OPA3: variants seen among roughly 807,000 people sequenced by gnomAD.
OPA3 encodes outer mitochondrial membrane lipid metabolism regulator OPA3, also known as optic atrophy 3 protein.
In OPA3, 6 loss-of-function variants were observed where a neutral mutation model predicts 4.0. The ratio of observed to expected loss-of-function variants is 1.51; its 90% CI spans 0.83 to 2.99. The LOEUF (loss-of-function observed/expected upper bound fraction) is 2.99, where lower values mean the gene tolerates loss of function less well. OPA3 is among the 30% of genes most tolerant of loss of function. The pLI is 0.00. For missense variants in OPA3, 235 were observed against 256.2 expected (o/e 0.92, Z 0.56); for synonymous variants, 105 against 117.1 (o/e 0.90, Z 0.67).
At chr19:45,559,344 TTTC>T (rs1396537917) in intron 1 of OPA3, among the ~76,000 whole-genome samples, 2 of 151,634 alleles carry the variant, frequency 1.3e-5, no homozygotes, top group South Asian at 2.1e-4. Context: ...TCTTTCTTTC[TTTC>T]TTTTCTTTTC....
chr19:45,529,113 G>A lies in OPA3; in HGVS notation c.486C>T (p.His162=), dbSNP rs201078416. Residue 162 remains histidine (H), a synonymous_variant, in exon 2 of 2, where the codon CAC becomes CAT. Coordinates refer to the OPA3 transcript ENST00000323060. ...CAGGCGGCGGGTCTCGGAGGCAGAG[G>A]TGGGCTCGCACCTCCTGCAGCTGAG... The A allele has an allele frequency of 1.2e-4, 188 of 1,605,000 alleles. No individual in the cohort carries two copies. The East Asian group carries it at 4.0e-3, about 34-fold the overall frequency.
downstream of OPA3, among the ~76,000 whole-genome samples, chr19:45,545,565 C>T (rs1385652472): frequency 6.6e-6 from 1 of 151,452 alleles, no homozygotes; most frequent in Non-Finnish European, 1.5e-5. Context: ...ACAACAACAA[C>T]AACCAGAGGC....
Position 45,529,457 on chromosome 19 carries a change from C to T in OPA3, c.143-1G>A, listed in dbSNP as rs1333432889. 1.2e-6 allele frequency: 2 copies of T among 1,613,340 alleles called. No individual in the cohort carries two copies. Among genetic ancestry groups the T allele is most frequent in the African/African-American group, 2.7e-5 (2 of 74,696 alleles). ...GTCCGCATCTCCAGCCAGTGGTACA[C>T]TGCAGGAAAAGACAGGAGTCAGGGG... On this transcript the variant is annotated splice_acceptor_variant, in intron 1 of 1. Transcript: ENST00000323060. LOFTEE classifies it high-confidence loss of function.
At position 45,550,111 on chromosome 19, in the gene OPA3, T is replaced by C. The variant is rs1467584760; in HGVS notation, c.*3403A>G. 25 of 720,868 alleles carry C rather than the reference T, an allele frequency of 3.5e-5. No homozygotes were observed. The East Asian group carries it at 4.0e-4, about 11-fold the overall frequency. The allele number at this position is 720,868 out of a possible 1,614,324, so 44.7% of individuals were successfully genotyped here. Reference sequence around the variant, plus strand: ...AGGTAGAAGTTGCAGTGAGCCGAGATTGCACCACTGCACTCCGTCAGGGTG... The same window carrying C: ...AGGTAGAAGTTGCAGTGAGCCGAGACTGCACCACTGCACTCCGTCAGGGTG... On this transcript the variant is annotated 3_prime_UTR_variant, in exon 2 of 2. Coordinates refer to ENST00000263275, the MANE Select transcript of OPA3 (RefSeq NM_025136.4).
chr19:45,580,087 C>T (rs1200536879), intron 1 of OPA3, among the ~76,000 whole-genome samples: 1 of 151,154 alleles, frequency 6.6e-6, no homozygotes, highest in Non-Finnish European at 1.5e-5. Context: ...ACCTCCGCCT[C>T]CCATGTTCAA....
chr19:45,566,006 T>C (rs528506504), intron 1 of OPA3, among the ~76,000 whole-genome samples: 3 of 152,246 alleles, frequency 2.0e-5, no homozygotes, highest in Non-Finnish European at 2.9e-5. Flanking sequence ...AATAAAATTA[T>C]AGAATATGTC....
At chr19:45,571,298 CATGCCCAGCTA>C (rs1166295075) in intron 1 of OPA3, among the ~76,000 whole-genome samples, 1 of 142,044 alleles carries the variant, frequency 7.0e-6, no homozygotes, top group Admixed American at 7.3e-5. Flanking sequence ...CATGCGCCAC[CATGCCCAGCTA>C]ATTTTTTGTA....
rs149252540 is a variant in OPA3, at chr19:45,529,477, CAG to C, written c.143-23_143-22del. ...GTACACTGCAGGAAAAGACAGGAGT[CAG>C]GGGTCTTTTGCAGGGCAGCCTCCTA... On this transcript the variant is annotated intron_variant, in intron 1 of 1. Transcript: ENST00000323060. 231,248 of 1,613,438 alleles carry C rather than the reference CAG, an allele frequency of 0.14. 17,661 individuals carry two copies. Among genetic ancestry groups the C allele is most frequent in the South Asian group, 0.24 (22,224 of 91,054 alleles).
In OPA3 at chr19:45,552,992, CCTT is replaced by C; in HGVS notation, c.*519_*521del. 2.0e-6 allele frequency: 2 copies of C among 1,000,106 alleles called. No homozygotes were observed. The highest frequency in any genetic ancestry group is 5.1e-4 in the Middle Eastern group (1 of 1,948). 62.0% of individuals were successfully genotyped at this position (1,000,106 alleles called of 1,614,324 possible). A position where few individuals can be genotyped will look rare whatever the true frequency, so the allele number is the denominator to read the frequency against. On this transcript the variant is annotated 3_prime_UTR_variant, in exon 2 of 2. Transcript: ENST00000263275. ...CTCCCAGCCGCACCGTTTTTTTCCTCCTTAAGAGAGCACTGATGCTCAGCTAGA... is the reference window on the plus strand; with the variant it reads ...CTCCCAGCCGCACCGTTTTTTTCCTCAAGAGAGCACTGATGCTCAGCTAGA...
At chr19:45,582,652 G>C (rs1290314577) in intron 1 of OPA3, among the ~76,000 whole-genome samples, 1 of 152,020 alleles carries the variant, frequency 6.6e-6, no homozygotes, top group East Asian at 1.9e-4. Context: ...CTGTCTTCTT[G>C]CGCTCAGTCA....
chr19:45,550,897 G>C lies in OPA3; in HGVS notation c.*2617C>G, dbSNP rs1169091127. 2.0e-6 allele frequency: 2 copies of C among 985,900 alleles called. No homozygotes were observed. The highest frequency in any genetic ancestry group is 2.4e-6 in the Non-Finnish European group (2 of 830,034). 61.1% of individuals were successfully genotyped at this position (985,900 alleles called of 1,614,324 possible). On this transcript the variant is annotated 3_prime_UTR_variant, in exon 2 of 2. Transcript: ENST00000263275. ...GAAGAGAAACCCAGTAGAAAAGGGT[G>C]GTTCCTAGACTGTTCCTCTCAGCTA... is the stretch of plus-strand genomic sequence containing the variant.
intron 1 of OPA3, among the ~76,000 whole-genome samples, chr19:45,582,835 T>G (rs1466235095): frequency 1.3e-5 from 2 of 152,172 alleles, no homozygotes; most frequent in Admixed American, 6.5e-5. Context: ...AAACCATAAT[T>G]TCTAATCTTG....
intron 1 of OPA3, chr19:45,529,528 G>T: frequency 1.9e-6 from 3 of 1,567,114 alleles, no homozygotes; most frequent in Non-Finnish European, 2.6e-6. Context: ...TCTGTGCTTC[G>T]ATGTCCCCGT....
intron 1 of OPA3, among the ~76,000 whole-genome samples, chr19:45,574,316 G>C (rs1287410019): frequency 6.8e-6 from 1 of 146,856 alleles, no homozygotes; most frequent in African/African-American, 2.5e-5. Flanking sequence ...AGAATGGCGT[G>C]AACCCGGGAG....
In OPA3 at chr19:45,546,453, G is replaced by T; in HGVS notation, c.*7061C>A. ...ATACACTTTTAAAATACATAGAATT[G>T]TAAATTATTGTATAAATATGCACAC... On this transcript the variant is annotated 3_prime_UTR_variant, in exon 2 of 2. Transcript: ENST00000263275. 3 of 580,320 alleles carry T rather than the reference G, an allele frequency of 5.2e-6. No individual in the cohort carries two copies. Among genetic ancestry groups the T allele is most frequent in the African/African-American group, 2.0e-5 (1 of 49,166 alleles). The allele number at this position is 580,320 out of a possible 1,614,324, so 35.9% of individuals were successfully genotyped here. A position where few individuals can be genotyped will look rare whatever the true frequency, so the allele number is the denominator to read the frequency against.
intron 1 of OPA3, among the ~76,000 whole-genome samples, chr19:45,580,186 G>A (rs1425516238): frequency 6.6e-6 from 1 of 150,732 alleles, no homozygotes; most frequent in Non-Finnish European, 1.5e-5. Flanking sequence ...TAGTAGAGAA[G>A]GGGTTTCACC....
downstream of OPA3, among the ~76,000 whole-genome samples, chr19:45,545,716 T>C (rs534552266): frequency 1.0e-3 from 148 of 146,598 alleles, 1 homozygote; most frequent in African/African-American, 3.5e-3. Context: ...TTTTCTTTTT[T>C]TTTTTTTTTT....
At chr19:45,582,673 T>TG (rs1219287880) in intron 1 of OPA3, among the ~76,000 whole-genome samples, 1 of 150,874 alleles carries the variant, frequency 6.6e-6, no homozygotes, top group African/African-American at 2.4e-5. Flanking sequence ...GTTCCTGGGT[T>TG]GGGGGGCCAC....
intron 1 of OPA3, among the ~76,000 whole-genome samples, chr19:45,557,995 T>G (rs558162534): frequency 7.9e-5 from 12 of 152,102 alleles, no homozygotes; most frequent in Admixed American, 7.9e-4. Flanking sequence ...CTCACCCCTC[T>G]GCAATTGTCC....
Sources: allele counts gnomAD v4.1 joint callset (sites outside exome capture counted in the v4.1 genomes callset), GRCh38; gene constraint gnomAD v4.1.1; transcripts MANE v1.5; gene names NCBI Gene and HGNC (gene_info 2026-07-23, HGNC 2026-07-21).